RAB6A: variants seen among roughly 807,000 people sequenced by gnomAD.
The protein encoded by RAB6A is ras-related protein Rab-6A.
In RAB6A, 8 loss-of-function variants were observed where a neutral mutation model predicts 32.3. The ratio of observed to expected loss-of-function variants is 0.25; its 90% CI spans 0.15 to 0.45. The LOEUF (loss-of-function observed/expected upper bound fraction) is 0.45, where lower values mean the gene tolerates loss of function less well. RAB6A is among the 20% of genes least tolerant of loss of function. The pLI, the probability that RAB6A is intolerant of heterozygous loss-of-function variation, is 1.00. For missense variants in RAB6A, 104 were observed against 249.4 expected, an observed-to-expected ratio of 0.42 and a Z score of 3.93; for synonymous variants, 73 against 82.1, an observed-to-expected ratio of 0.89 and a Z score of 0.60.
chr11:73,736,824 A>AAAAAAAAAAAAC (rs1555066487), intron 1 of RAB6A, among the ~76,000 whole-genome samples: 3 of 144,704 alleles, frequency 2.1e-5, no homozygotes, highest in Non-Finnish European at 3.0e-5. Context: ...AAAAAAAAAA[A>AAAAAAAAAAAAC]AACAATTAGC....
intron 6 of RAB6A, chr11:73,704,155 G>A (rs1565354585): frequency 2.5e-6 from 1 of 404,106 alleles, no homozygotes. Context: ...GCCAAGTTGG[G>A]AGGATCACCT....
At chr11:73,687,581 G>A (rs978420028) in intron 6 of RAB6A, among the ~76,000 whole-genome samples, 10 of 152,176 alleles carry the variant, frequency 6.6e-5, no homozygotes, top group Non-Finnish European at 1.0e-4. Flanking sequence ...GGCCAGGCAC[G>A]GTGGCTCATG....
chr11:73,755,165 A>G (rs1219700390), intron 1 of RAB6A, among the ~76,000 whole-genome samples: 1 of 152,048 alleles, frequency 6.6e-6, no homozygotes, highest in African/African-American at 2.4e-5. Context: ...TTCTGGCCTC[A>G]AGTGATCCGC....
intron 7 of RAB6A, among the ~76,000 whole-genome samples, 194 bp downstream of exon 7, chr11:73,679,460 C>G (rs73538640): frequency 0.011 from 1,632 of 152,228 alleles, 25 homozygotes; most frequent in African/African-American, 0.035. Context: ...TGATTAACAA[C>G]GAGAAGCAGG....
chr11:73,758,157 T>C (rs372259024), intron 1 of RAB6A, among the ~76,000 whole-genome samples: 1 of 152,144 alleles, frequency 6.6e-6, no homozygotes, highest in South Asian at 2.1e-4. Flanking sequence ...ATAAGAAAAC[T>C]ATAGACACTG....
At chr11:73,739,256 T>A (rs1590880547) in intron 1 of RAB6A, among the ~76,000 whole-genome samples, 15 of 26,216 alleles carry the variant, frequency 5.7e-4, no homozygotes, top group African/African-American at 1.0e-3. Context: ...AAAATAGTAA[T>A]AATAATTAAA....
intron 6 of RAB6A, among the ~76,000 whole-genome samples, chr11:73,684,168 G>GC (rs1945403211): frequency 6.9e-6 from 1 of 144,388 alleles, no homozygotes; most frequent in Non-Finnish European, 1.5e-5. Context: ...ATACATTGTT[G>GC]TTTTTTTTTT....
intron 1 of RAB6A, among the ~76,000 whole-genome samples, chr11:73,756,421 T>C (rs941520564): frequency 1.3e-5 from 2 of 152,112 alleles, no homozygotes; most frequent in East Asian, 1.9e-4. Flanking sequence ...ATCTAACATA[T>C]TGCAATTTGA....
At chr11:73,683,125 T>C (rs1945385838) in intron 6 of RAB6A, among the ~76,000 whole-genome samples, 1 of 152,162 alleles carries the variant, frequency 6.6e-6, no homozygotes, top group South Asian at 2.1e-4. Flanking sequence ...GCAGTAAGTA[T>C]AGTGACTACA....
Position 73,707,324 on chromosome 11 carries a change from C to T in RAB6A, c.495+96G>A, listed in dbSNP as rs552227474. ...ATATACTGCTAGTTTGTAAGGCCTG[C>T]TCTTGCCAGGTGGAAGGAAACCTAT... On this transcript the variant is annotated intron_variant, in intron 6 of 7. Coordinates refer to ENST00000336083, the MANE Select transcript of RAB6A (RefSeq NM_198896.2). 951 of 817,888 alleles carry T rather than the reference C, an allele frequency of 1.2e-3. 4 individuals carry two copies. The highest frequency in any genetic ancestry group is 1.6e-3 in the Non-Finnish European group (791 of 499,738). 50.7% of individuals were successfully genotyped at this position (817,888 alleles called of 1,614,324 possible).
intron 1 of RAB6A, among the ~76,000 whole-genome samples, chr11:73,746,760 C>T (rs1946594339): frequency 6.8e-6 from 1 of 146,172 alleles, no homozygotes; most frequent in South Asian, 2.1e-4. Flanking sequence ...AACTCTGCCT[C>T]GAAATAAATT....
chr11:73,744,337 C>A (rs1482987260), intron 1 of RAB6A, among the ~76,000 whole-genome samples: 334 of 108,020 alleles, frequency 3.1e-3, no homozygotes, highest in Non-Finnish European at 3.7e-3. Context: ...GACTCCATCT[C>A]AAAAAAAAAA....
intron 5 of RAB6A, among the ~76,000 whole-genome samples, chr11:73,710,389 A>C (rs1325742799): frequency 6.6e-6 from 1 of 152,132 alleles, no homozygotes; most frequent in Non-Finnish European, 1.5e-5. Flanking sequence ...CAGAATACAG[A>C]CAATCATTTT....
At chr11:73,687,622 G>A (rs895523665) in intron 6 of RAB6A, among the ~76,000 whole-genome samples, 4 of 152,306 alleles carry the variant, frequency 2.6e-5, no homozygotes, top group Admixed American at 1.3e-4. Context: ...TTGGGAGGCC[G>A]AGGTGGGCGG....
chr11:73,716,383 G>A (rs945048467), intron 4 of RAB6A, 21 bp from the exon 5 acceptor site: 2 of 1,576,506 alleles, frequency 1.3e-6, no homozygotes, highest in Non-Finnish European at 1.7e-6. Flanking sequence ...AGGGTAGACA[G>A]AGAGATTAGT....
At chr11:73,709,961 A>ATAT (rs1555058418) in intron 5 of RAB6A, among the ~76,000 whole-genome samples, 319 of 81,728 alleles carry the variant, frequency 3.9e-3, no homozygotes, top group African/African-American at 0.01. Flanking sequence ...ATATATATAT[A>ATAT]TTTTTTTTTT....
At chr11:73,742,848 G>T (rs750555677) in intron 1 of RAB6A, among the ~76,000 whole-genome samples, 4 of 152,094 alleles carry the variant, frequency 2.6e-5, no homozygotes, top group Non-Finnish European at 5.9e-5. Context: ...TGCTCAAATG[G>T]CTATTTCTCA....
intron 6 of RAB6A, among the ~76,000 whole-genome samples, chr11:73,702,450 G>A (rs1253302463): frequency 2.6e-5 from 4 of 152,204 alleles, no homozygotes; most frequent in Non-Finnish European, 5.9e-5. Context: ...GGGATTATGG[G>A]CATGAGCCGC....
intron 5 of RAB6A, among the ~76,000 whole-genome samples, chr11:73,709,476 T>TTATTATGAC (rs1555058150): frequency 6.8e-6 from 1 of 148,122 alleles, no homozygotes; most frequent in Non-Finnish European, 1.5e-5. Context: ...ATTATTATTA[T>TTATTATGAC]GACTCGTGGA....
Sources: allele counts gnomAD v4.1 joint callset (sites outside exome capture counted in the v4.1 genomes callset), GRCh38; gene constraint gnomAD v4.1.1; transcripts MANE v1.5; gene names NCBI Gene and HGNC (gene_info 2026-07-23, HGNC 2026-07-21).